ATP2B4: variants seen among roughly 807,000 people sequenced by gnomAD.
ATP2B4 encodes the protein plasma membrane calcium-transporting ATPase 4.
In ATP2B4, 39 loss-of-function variants were observed where a neutral mutation model predicts 110.3. The observed-to-expected ratio is 0.35, with a 90% confidence interval of 0.27 to 0.46. The LOEUF (loss-of-function observed/expected upper bound fraction) is 0.46. Ranked by LOEUF, ATP2B4 falls within the 20% of genes least tolerant of loss-of-function variation. The pLI is 1.00. For missense variants in ATP2B4, 1,135 were observed against 1,530.9 expected, an observed-to-expected ratio of 0.74 and a Z score of 4.32; for synonymous variants, 538 against 571.7, an observed-to-expected ratio of 0.94 and a Z score of 0.84.
intron 1 of ATP2B4, among the ~76,000 whole-genome samples, chr1:203,650,642 C>G (rs896556598): frequency 6.6e-6 from 1 of 152,120 alleles, no homozygotes; most frequent in South Asian, 2.1e-4. Context: ...TCGGCCGGCC[C>G]GGGGCGAGGG....
chr1:203,653,876 AT>A lies in ATP2B4; in HGVS notation c.-465+26658del, dbSNP rs531677649. Among the ~76,000 whole-genome samples, 751 of 151,428 alleles carry A rather than the reference AT, an allele frequency of 5.0e-3. 5 individuals carry two copies. Among genetic ancestry groups the A allele is most frequent in the African/African-American group, 0.016 (668 of 41,182 alleles). ...CAGGCTTCTAGGGCCTTTAATAATT[AT>A]GCTAAATCTATTCTGCCTGTGATCT... On this transcript the variant is annotated intron_variant, in intron 1 of 20. Transcript: ENST00000357681.
At chr1:203,732,767 AGT>A (rs1034201342) in intron 20 of ATP2B4, among the ~76,000 whole-genome samples, 7 of 151,232 alleles carry the variant, frequency 4.6e-5, no homozygotes, top group Non-Finnish European at 1.0e-4. Context: ...GTGAACCGAG[AGT>A]GTGCCACTGC....
chr1:203,661,858 C>T (rs1026752746), intron 1 of ATP2B4, among the ~76,000 whole-genome samples: 6 of 152,132 alleles, frequency 3.9e-5, no homozygotes, highest in Admixed American at 6.5e-5. Context: ...TCTGAACTCT[C>T]GGTGACAGCA....
intron 20 of ATP2B4, chr1:203,733,308 A>T (rs755141249): frequency 1.2e-6 from 2 of 1,614,100 alleles, no homozygotes; most frequent in Admixed American, 3.3e-5. Context: ...CTTGATGTAA[A>T]ACTTGTTCCT....
intron 1 of ATP2B4, among the ~76,000 whole-genome samples, chr1:203,635,068 G>C (rs963152456): frequency 1.4e-4 from 21 of 152,222 alleles, no homozygotes; most frequent in Middle Eastern, 3.4e-3. Context: ...TCCGCCTCCT[G>C]ATTTCAAACG....
Position 203,722,657 on chromosome 1 carries a change from T to C in ATP2B4, c.2992T>C (p.Cys998Arg), listed in dbSNP as rs1249775329. The C allele has an allele frequency of 1.9e-6, 3 of 1,614,114 alleles. No individual in the cohort carries two copies. In the African/African-American group the frequency reaches 4.0e-5, roughly 22 times the overall value. ...AGGCATCTACCGCAACATTATCTTC[T>C]GCTCTGTAGTCTTGGGCACATTCAT... Reference protein sequence around the residue: ...FSGIYRNIIFCSVVLGTFICQ... With the variant: ...FSGIYRNIIFRSVVLGTFICQ... Residue 998 changes from cysteine to arginine, a missense_variant, in exon 18 of 21, where the codon TGC becomes CGC. By Grantham distance (180) the Cys-to-Arg change is radical. This residue lies in a region of ATP2B4 where 155 missense variants were observed against 186.2 expected (regional missense o/e 0.83). Transcript: ENST00000357681.
chr1:203,709,180 A>G (rs1665933059), intron 10 of ATP2B4, 121 bp from the exon 11 acceptor site: 3 of 1,351,430 alleles, frequency 2.2e-6, no homozygotes, highest in African/African-American at 1.5e-5. Flanking sequence ...AAAAAATGTT[A>G]TTTCCCCTAT....
chr1:203,628,880 T>C (rs911735076), intron 1 of ATP2B4, among the ~76,000 whole-genome samples: 1 of 151,870 alleles, frequency 6.6e-6, no homozygotes, highest in Admixed American at 6.6e-5. Context: ...GGTGGTGGCT[T>C]GGGGAGCAGA....
chr1:203,660,377 T>C (rs191881433), intron 1 of ATP2B4, among the ~76,000 whole-genome samples: 2 of 152,242 alleles, frequency 1.3e-5, no homozygotes, highest in African/African-American at 4.8e-5. Context: ...GGTTGGAAGA[T>C]CGTGAGAATG....
At chr1:203,708,142 G>T (rs1665904164) in intron 10 of ATP2B4, 38 bp downstream of exon 10, 1 of 1,609,148 alleles carries the variant, frequency 6.2e-7, no homozygotes, top group Non-Finnish European at 8.5e-7. Context: ...AGAGTGGGTG[G>T]TTGGAAGGGA....
chr1:203,659,709 A>C (rs1664273887), intron 1 of ATP2B4, among the ~76,000 whole-genome samples: 1 of 152,158 alleles, frequency 6.6e-6, no homozygotes, highest in East Asian at 1.9e-4. Context: ...GGAAGCCTGT[A>C]GTTCTAGCTA....
At chr1:203,657,658 G>T (rs76917792) in intron 1 of ATP2B4, 1 of 803,360 alleles carries the variant, frequency 1.2e-6, no homozygotes, top group Non-Finnish European at 2.3e-6. Context: ...TGAGCCTCTC[G>T]TTCATAAGCC....
chr1:203,656,852 C>A, intron 1 of ATP2B4: 1 of 389,728 alleles, frequency 2.6e-6, no homozygotes, highest in Non-Finnish European at 4.6e-6. Context: ...TTAATGTTTA[C>A]AATGTAATAA....
Position 203,741,499 on chromosome 1 carries a change from TC to T in ATP2B4, c.*1646del, listed in dbSNP as rs1410277620. On this transcript the variant is annotated 3_prime_UTR_variant, in exon 21 of 21. Coordinates refer to ENST00000357681, the MANE Select transcript of ATP2B4 (RefSeq NM_001684.5). The stretch of plus-strand genomic sequence containing the variant: ...GTAGGGGCCAGTTCATGTCCCTGAC[TC>T]TCACCTCCCATTAGATAAATGAAGC... 1 of 152,450 alleles carries T rather than the reference TC, an allele frequency of 6.6e-6. No homozygotes were observed. The highest frequency in any genetic ancestry group is 1.9e-4 in the East Asian group (1 of 5,192). The allele number at this position is 152,450 out of a possible 1,614,324, so 9.4% of individuals were successfully genotyped here. A position where few individuals can be genotyped will look rare whatever the true frequency, so the allele number is the denominator to read the frequency against.
At chr1:203,730,043 G>T (rs935342586) in intron 20 of ATP2B4, among the ~76,000 whole-genome samples, 3 of 152,108 alleles carry the variant, frequency 2.0e-5, no homozygotes, top group Admixed American at 6.5e-5. Flanking sequence ...TGGCAGAAAA[G>T]CTTGAAGGTC....
intron 14 of ATP2B4, 85 bp downstream of exon 14, chr1:203,713,337 T>C: frequency 1.3e-6 from 2 of 1,490,968 alleles, no homozygotes; most frequent in Non-Finnish European, 1.9e-6. Context: ...CCAAAGCCAC[T>C]CTCCTGTCCA....
At chr1:203,648,423 A>T (rs942771125) in intron 1 of ATP2B4, among the ~76,000 whole-genome samples, 2 of 152,184 alleles carry the variant, frequency 1.3e-5, no homozygotes, top group Non-Finnish European at 2.9e-5. Flanking sequence ...CTATGATGGG[A>T]CACTAGATGG....
At chr1:203,686,222 C>G (rs1665175957) in intron 2 of ATP2B4, among the ~76,000 whole-genome samples, 1 of 152,180 alleles carries the variant, frequency 6.6e-6, no homozygotes, top group South Asian at 2.1e-4. Flanking sequence ...ACTTTACAAA[C>G]ACCCATCAGA....
intron 2 of ATP2B4, among the ~76,000 whole-genome samples, chr1:203,691,450 A>G (rs1245144698): frequency 1.3e-5 from 2 of 152,226 alleles, no homozygotes; most frequent in African/African-American, 4.8e-5. Flanking sequence ...GTGGCAGAGC[A>G]GAAAGCTAAC....
Sources: allele counts gnomAD v4.1 joint callset (sites outside exome capture counted in the v4.1 genomes callset), GRCh38; gene constraint gnomAD v4.1.1; regional missense constraint gnomAD v4.1.1; transcripts MANE v1.5; gene names NCBI Gene and HGNC (gene_info 2026-07-23, HGNC 2026-07-21).